The following NEDD4L variants were observed in gnomAD, a reference collection of about 807,000 sequenced individuals.
NEDD4L encodes E3 ubiquitin-protein ligase NEDD4-like.
In NEDD4L, 54 loss-of-function variants were observed where a neutral mutation model predicts 148.9. That is an observed-to-expected ratio of 0.36 (90% CI 0.29 to 0.45). The LOEUF (loss-of-function observed/expected upper bound fraction) is 0.45, where lower values mean the gene tolerates loss of function less well. Among genes scored for constraint, NEDD4L ranks in the 20% least tolerant of loss-of-function variants. The probability of loss-of-function intolerance (pLI) is 1.00; values close to 1 mark genes in which losing one functional copy is unlikely to be tolerated. For synonymous variants in NEDD4L, 433 were observed against 440.7 expected, an observed-to-expected ratio of 0.98 and a Z score of 0.22; for missense variants, 856 against 1,233.8, an observed-to-expected ratio of 0.69 and a Z score of 4.59.
chr18:58,136,238 T>TAAA lies in NEDD4L; in HGVS notation c.49-29550_49-29549insAAA, dbSNP rs1404436466. Among the ~76,000 whole-genome samples the TAAA allele has an allele frequency of 4.6e-5, 7 of 152,306 alleles. No individual in the cohort carries two copies. The East Asian group carries it at 1.3e-3, about 29-fold the overall frequency. ...GGCAAAGAAAGTACATCAGGGAAGA[T>TAAA]TGTTCACCCTGAGCCGAGAAAGTGG... is the stretch of plus-strand genomic sequence containing the variant. On this transcript the variant is annotated intron_variant, in intron 1 of 30. Transcript: ENST00000400345.
intron 2 of NEDD4L, among the ~76,000 whole-genome samples, chr18:58,202,326 C>G (rs1301273565): frequency 6.6e-6 from 1 of 152,248 alleles, no homozygotes; most frequent in African/African-American, 2.4e-5. Flanking sequence ...CTCTCTTTCC[C>G]TCTGCCTATT....
Position 58,148,808 on chromosome 18 carries a change from T to C in NEDD4L, c.49-16980T>C, listed in dbSNP as rs574771564. Among the ~76,000 whole-genome samples the C allele has an allele frequency of 7.2e-5, 11 of 152,362 alleles. 1 individual carries two copies. In the South Asian group the frequency reaches 2.1e-3, roughly 29 times the overall value. The stretch of plus-strand genomic sequence containing the variant: ...ACTTCTACCCATAACACCAATGTCA[T>C]ATTAAGCTTTATGGAAGAATAGACC... On this transcript the variant is annotated intron_variant, in intron 1 of 30. Coordinates refer to ENST00000400345, the MANE Select transcript of NEDD4L (RefSeq NM_001144967.3).
At chr18:58,211,773 G>T (rs495437) in intron 2 of NEDD4L, among the ~76,000 whole-genome samples, 66,723 of 152,048 alleles carry the variant, frequency 0.44, 15,948 homozygotes, top group African/African-American at 0.64. Flanking sequence ...AAGCAATGTG[G>T]TATTGATCCA....
At chr18:58,115,250 T>C (rs1006407002) in intron 1 of NEDD4L, among the ~76,000 whole-genome samples, 1 of 149,970 alleles carries the variant, frequency 6.7e-6, no homozygotes, top group Non-Finnish European at 1.5e-5. Flanking sequence ...TCTTTCTTTT[T>C]TTTTTTTTTT....
At chr18:58,204,344 A>G (rs1006127251) in intron 2 of NEDD4L, among the ~76,000 whole-genome samples, 1 of 152,190 alleles carries the variant, frequency 6.6e-6, no homozygotes, top group African/African-American at 2.4e-5. Flanking sequence ...AAAAATGCCT[A>G]GCTGACTTTA....
chr18:58,131,518 G>C (rs971711705), intron 1 of NEDD4L, among the ~76,000 whole-genome samples: 1 of 151,458 alleles, frequency 6.6e-6, no homozygotes, highest in South Asian at 2.1e-4. Flanking sequence ...GTTGGGCTCT[G>C]TTGGGGTTTG....
intron 2 of NEDD4L, among the ~76,000 whole-genome samples, chr18:58,178,393 A>G (rs1274708807): frequency 6.6e-6 from 1 of 152,248 alleles, no homozygotes; most frequent in African/African-American, 2.4e-5. Context: ...TAAGGTCTAA[A>G]AATGAATGCA....
chr18:58,254,081 G>A (rs935403101), intron 5 of NEDD4L, among the ~76,000 whole-genome samples: 2 of 151,532 alleles, frequency 1.3e-5, no homozygotes, highest in Non-Finnish European at 2.9e-5. Flanking sequence ...ACACAGACTA[G>A]CTTCCATTTC....
At chr18:58,259,778 G>T (rs2049106389) in intron 5 of NEDD4L, among the ~76,000 whole-genome samples, 1 of 152,212 alleles carries the variant, frequency 6.6e-6, no homozygotes, top group South Asian at 2.1e-4. Flanking sequence ...TATTGGAGAA[G>T]AGAGCGTTCT....
At chr18:58,126,526 A>G (rs1238704711) in intron 1 of NEDD4L, among the ~76,000 whole-genome samples, 1 of 152,216 alleles carries the variant, frequency 6.6e-6, no homozygotes, top group Non-Finnish European at 1.5e-5. Context: ...TTTTTTAAAA[A>G]GTCCATTCAT....
intron 1 of NEDD4L, among the ~76,000 whole-genome samples, chr18:58,154,726 T>C (rs1359752380): frequency 6.6e-6 from 1 of 152,176 alleles, no homozygotes; most frequent in East Asian, 1.9e-4. Context: ...AGGCGGAGGT[T>C]GTAGTGATCC....
chr18:58,097,176 G>A (rs983580207), intron 1 of NEDD4L, among the ~76,000 whole-genome samples: 6 of 152,196 alleles, frequency 3.9e-5, no homozygotes, highest in African/African-American at 1.4e-4. Flanking sequence ...CCAGCTCTGT[G>A]GCTTTTCATT....
chr18:58,354,084 CCT>C (rs1374245834), intron 18 of NEDD4L, among the ~76,000 whole-genome samples: 1 of 152,202 alleles, frequency 6.6e-6, no homozygotes, highest in Non-Finnish European at 1.5e-5. Flanking sequence ...TCTTTAGACT[CCT>C]CGATTCCTTT....
intron 5 of NEDD4L, among the ~76,000 whole-genome samples, chr18:58,278,889 T>G (rs1006418411): frequency 6.6e-5 from 10 of 152,320 alleles, no homozygotes; most frequent in East Asian, 1.9e-4. Flanking sequence ...TTATTTTTTT[T>G]GGGATAGAGT....
intron 19 of NEDD4L, chr18:58,357,564 A>C: frequency 1.9e-6 from 1 of 524,870 alleles, no homozygotes; most frequent in Non-Finnish European, 3.6e-6. Context: ...TTTTTATATG[A>C]AGCAAAACCA....
intron 2 of NEDD4L, among the ~76,000 whole-genome samples, chr18:58,233,123 C>T (rs1200778207): frequency 6.6e-6 from 1 of 152,216 alleles, no homozygotes; most frequent in Non-Finnish European, 1.5e-5. Context: ...TCATTCAATG[C>T]TTTGTGCCTC....
intron 23 of NEDD4L, 101 bp from the exon 24 acceptor site, chr18:58,373,073 G>A: frequency 1.4e-6 from 1 of 697,222 alleles, no homozygotes; most frequent in Non-Finnish European, 2.6e-6. Context: ...TATTTCTTGA[G>A]CATTCTGCAC....
Position 58,391,555 on chromosome 18 carries a change from A to G in NEDD4L, c.2821A>G (p.Thr941Ala). ...GSPEKLPRAH[T>A]CFNRLDLPPY... ...TCCTGAGAAACTGCCCAGAGCTCAC[A>G]CATGGTGAGTGACAAAAACACATGC... The change falls in exon 30 of 31, where the codon ACA (threonine) becomes GCA (alanine). Residue 941 changes from threonine (T) to alanine (A), a missense_variant. By Grantham distance (58) the Thr-to-Ala change is moderately conservative (BLOSUM62 0). Transcript: ENST00000400345. 1 of 1,567,992 alleles carries G rather than the reference A, an allele frequency of 6.4e-7. No homozygotes were observed. The highest frequency in any genetic ancestry group is 8.7e-7 in the Non-Finnish European group (1 of 1,154,722).
intron 2 of NEDD4L, among the ~76,000 whole-genome samples, chr18:58,207,823 A>G (rs2042123874): frequency 6.6e-6 from 1 of 152,164 alleles, no homozygotes; most frequent in Non-Finnish European, 1.5e-5. Flanking sequence ...CAAAAAGTTG[A>G]CATAACTTAA....
Sources: gnomAD v4.1 joint callset for allele counts (sites outside exome capture counted in the v4.1 genomes callset) on GRCh38, gnomAD v4.1.1 for gene constraint, MANE v1.5 for transcripts, NCBI Gene and HGNC (gene_info 2026-07-23, HGNC 2026-07-21) for gene names.